TAOK3: variants seen among roughly 807,000 people sequenced by gnomAD.
TAOK3 encodes the protein TAO kinase 3.
Under a neutral mutation model 120.4 loss-of-function variants are expected in TAOK3, and 40 were observed. That is an observed-to-expected ratio of 0.33 (90% CI 0.26 to 0.43). The LOEUF is 0.43. TAOK3 is among the 20% of genes least tolerant of loss of function. The pLI is 1.00. For missense variants in TAOK3, 821 were observed against 1,112.1 expected (o/e 0.74, Z 3.72); for synonymous variants, 355 against 387.5 (o/e 0.92, Z 0.99).
intron 9 of TAOK3, among the ~76,000 whole-genome samples, chr12:118,221,634 C>CTTTT (rs35069196): frequency 7.1e-5 from 9 of 125,994 alleles, no homozygotes; most frequent in East Asian, 2.3e-4. Flanking sequence ...TACATATAAC[C>CTTTT]TTTTTTTTTT....
At chr12:118,201,774 G>A (rs2139286688) in intron 11 of TAOK3, among the ~76,000 whole-genome samples, 1 of 152,060 alleles carries the variant, frequency 6.6e-6, no homozygotes, top group East Asian at 1.9e-4. Context: ...CTACAGTTAA[G>A]CAAATTAACA....
At position 118,262,826 on chromosome 12, in the gene TAOK3, CA is replaced by C. The variant is rs61453663; in HGVS notation, c.-89+3828del. ...TGGGTGACAGAGCAAGACTCCGTCTCAAAAAAAAAAAAAAAAAGCGAAATAC... is the reference window on the plus strand; with the variant it reads ...TGGGTGACAGAGCAAGACTCCGTCTCAAAAAAAAAAAAAAAAGCGAAATAC... On this transcript the variant is annotated intron_variant, in intron 2 of 20. Coordinates refer to ENST00000392533, the MANE Select transcript of TAOK3 (RefSeq NM_016281.4). Among the ~76,000 whole-genome samples, 136 of 73,784 alleles carry C rather than the reference CA, an allele frequency of 1.8e-3. 1 individual carries two copies. Among genetic ancestry groups the C allele is most frequent in the Middle Eastern group, 6.8e-3 (1 of 146 alleles). The allele number at this position is 73,784 out of a possible 152,430, so 48.4% of individuals were successfully genotyped here. A position where few individuals can be genotyped will look rare whatever the true frequency, so the allele number is the denominator to read the frequency against.
chr12:118,246,118 G>C lies in TAOK3; in HGVS notation c.121-1153C>G, dbSNP rs2040484621. The C allele has an allele frequency of 8.8e-6, 12 of 1,367,016 alleles. No individual in the cohort carries two copies. In the Admixed American group the frequency reaches 1.2e-4, roughly 13 times the overall value. The allele number at this position is 1,367,016 out of a possible 1,614,324, so 84.7% of individuals were successfully genotyped here. On this transcript the variant is annotated intron_variant, in intron 3 of 20. Coordinates refer to ENST00000392533, the MANE Select transcript of TAOK3 (RefSeq NM_016281.4). ...GACGCCGGTGCAGCGGGGGGGCACG[G>C]AGGCCCTGGTGGCCCTGGGATGGGG...
intron 6 of TAOK3, among the ~76,000 whole-genome samples, chr12:118,238,678 A>AG (rs2040119467): frequency 6.7e-6 from 1 of 149,968 alleles, no homozygotes. Flanking sequence ...TCTGTTACCC[A>AG]GGCTGGAGTG....
intron 14 of TAOK3, among the ~76,000 whole-genome samples, chr12:118,185,905 TAA>T (rs1201881014): frequency 6.6e-6 from 1 of 152,196 alleles, no homozygotes; most frequent in Non-Finnish European, 1.5e-5. Context: ...CAAGAATAAG[TAA>T]AGAGATATGC....
chr12:118,255,758 A>C, intron 2 of TAOK3, 103 bp from the exon 3 acceptor site: 4 of 554,840 alleles, frequency 7.2e-6, no homozygotes, highest in East Asian at 3.3e-5. Context: ...CTCACAACTC[A>C]ATAACAAAAG....
At chr12:118,342,237 A>G (rs1006327003) in intron 1 of TAOK3, among the ~76,000 whole-genome samples, 1 of 152,204 alleles carries the variant, frequency 6.6e-6, no homozygotes, top group African/African-American at 2.4e-5. Flanking sequence ...CCAGTGAGAA[A>G]GCTACCACGA....
intron 17 of TAOK3, among the ~76,000 whole-genome samples, chr12:118,162,855 A>G (rs1173711755): frequency 6.6e-6 from 1 of 152,138 alleles, no homozygotes; most frequent in Non-Finnish European, 1.5e-5. Context: ...GTTGGGTGAA[A>G]TCTTTTCATT....
chr12:118,210,373 T>C (rs1240932306), intron 11 of TAOK3, among the ~76,000 whole-genome samples: 1 of 152,322 alleles, frequency 6.6e-6, no homozygotes, highest in East Asian at 1.9e-4. Context: ...GGCTTATATT[T>C]TATTTCCCTT....
chr12:118,215,043 C>A (rs1267019019), intron 9 of TAOK3, among the ~76,000 whole-genome samples: 2 of 151,060 alleles, frequency 1.3e-5, no homozygotes, highest in African/African-American at 4.9e-5. Flanking sequence ...CTGCGCCCGG[C>A]CTAATTTTTG....
intron 9 of TAOK3, among the ~76,000 whole-genome samples, chr12:118,232,158 A>C (rs1228209545): frequency 1.3e-5 from 2 of 152,202 alleles, no homozygotes; most frequent in African/African-American, 2.4e-5. Context: ...CAAAGCTACA[A>C]ATCAAGGCCT....
intron 11 of TAOK3, among the ~76,000 whole-genome samples, chr12:118,207,148 G>A (rs1319386311): frequency 6.6e-6 from 1 of 151,704 alleles, no homozygotes; most frequent in East Asian, 2.0e-4. Context: ...CCAACATGGA[G>A]AAACCCTGTC....
At chr12:118,338,156 T>C (rs2044444024) in intron 1 of TAOK3, among the ~76,000 whole-genome samples, 1 of 152,210 alleles carries the variant, frequency 6.6e-6, no homozygotes, top group Admixed American at 6.5e-5. Context: ...GTTGCTCTTT[T>C]GTGTGAAGCA....
rs982481823 is a variant in TAOK3, at chr12:118,372,232, C to A, written c.-194+416G>T. On this transcript the variant is annotated intron_variant, in intron 1 of 20. Transcript: ENST00000392533. This position sits in a 1 kb window ranked among gnomAD's most constrained non-coding sequence, Gnocchi z 4.6. ...CATCTCTCAGACTCTCAGTGCCGGC[C>A]CCTCTCGGGGACCCTTCCCCTCTCC... Among the ~76,000 whole-genome samples the A allele has an allele frequency of 6.6e-6, 1 of 151,958 alleles. No individual in the cohort carries two copies. Among genetic ancestry groups the A allele is most frequent in the Non-Finnish European group, 1.5e-5 (1 of 67,944 alleles).
At chr12:118,176,992 C>CTCAG (rs1420132450) in intron 16 of TAOK3, among the ~76,000 whole-genome samples, 1 of 152,124 alleles carries the variant, frequency 6.6e-6, no homozygotes, top group Non-Finnish European at 1.5e-5. Flanking sequence ...GTCTCCAACT[C>CTCAG]CTGACCTCAG....
intron 12 of TAOK3, chr12:118,200,179 A>G (rs2037950239): frequency 6.6e-6 from 1 of 152,212 alleles, no homozygotes; most frequent in Non-Finnish European, 1.5e-5. Context: ...CAATCAAGAA[A>G]TTTTATAGTT....
chr12:118,284,755 G>C (rs1428448598), intron 1 of TAOK3, among the ~76,000 whole-genome samples: 2 of 152,044 alleles, frequency 1.3e-5, no homozygotes, highest in Non-Finnish European at 2.9e-5. Context: ...AAAGACTGCA[G>C]ACAAAAGAGA....
intron 1 of TAOK3, among the ~76,000 whole-genome samples, chr12:118,272,651 G>C (rs1825693913): frequency 6.6e-6 from 1 of 151,918 alleles, no homozygotes; most frequent in Admixed American, 6.6e-5. Context: ...TCACACCTCT[G>C]TGGCAGCATT....
At chr12:118,158,843 C>G (rs2035017887) in intron 19 of TAOK3, among the ~76,000 whole-genome samples, 1 of 152,246 alleles carries the variant, frequency 6.6e-6, no homozygotes, top group African/African-American at 2.4e-5. Flanking sequence ...CCCGCTTTCC[C>G]TCAACAAGCA....
Sources: gnomAD v4.1 joint callset for allele counts (sites outside exome capture counted in the v4.1 genomes callset) on GRCh38, gnomAD v4.1.1 for gene constraint, Gnocchi (gnomAD v3.1) non-coding constraint, MANE v1.5 for transcripts, NCBI Gene and HGNC (gene_info 2026-07-23, HGNC 2026-07-21) for gene names.